Variants in EIPR1 observed in about 807,000 individuals in gnomAD.
The protein encoded by EIPR1 is EARP complex and GARP complex interacting protein 1.
In EIPR1, 25 loss-of-function variants were observed where a neutral mutation model predicts 48.1. The observed-to-expected ratio is 0.52, with a 90% CI of 0.38 to 0.73. The LOEUF is 0.73. Ranked by LOEUF, EIPR1 falls within the 30% of genes least tolerant of loss-of-function variation. The probability of loss-of-function intolerance (pLI) is 0.00; values close to 1 mark genes in which losing one functional copy is unlikely to be tolerated. For missense variants in EIPR1, 415 were observed against 506.2 expected (o/e 0.82, Z 1.73); for synonymous variants, 204 against 201.9 (o/e 1.01, Z -0.09).
intron 1 of EIPR1, among the ~76,000 whole-genome samples, chr2:3,374,765 C>G (rs1659817444): frequency 2.8e-5 from 4 of 144,172 alleles, no homozygotes; most frequent in East Asian, 2.0e-4. Context: ...AATAGGAACA[C>G]TTTTACACTG....
In EIPR1 at chr2:3,305,027, C is replaced by CAT. The variant is rs1326262990; in HGVS notation, c.259+32989_259+32990insAT. 1.1e-3 allele frequency among the ~76,000 whole-genome samples: 127 copies of CAT among 118,052 alleles called. 1 individual carries two copies. The highest frequency in any genetic ancestry group is 3.9e-3 in the African/African-American group (118 of 29,936). The allele number at this position is 118,052 out of a possible 152,430, so 77.4% of individuals were successfully genotyped here. A position where few individuals can be genotyped will look rare whatever the true frequency, so the allele number is the denominator to read the frequency against. On this transcript the variant is annotated intron_variant, in intron 3 of 8. Transcript: ENST00000382125. ...GTCCAGTTCAACCCTCCACTCCTGT[C>CAT]CAGTTCAACCCTCCACTCCCGTCCA...
At chr2:3,256,419 C>T (rs1198295888) in intron 4 of EIPR1, among the ~76,000 whole-genome samples, 2 of 152,192 alleles carry the variant, frequency 1.3e-5, no homozygotes, top group Admixed American at 6.5e-5. Flanking sequence ...GAGATCATGA[C>T]TCTCGGAGGC....
chr2:3,229,776 C>T (rs564049671), intron 4 of EIPR1, among the ~76,000 whole-genome samples: 144 of 152,334 alleles, frequency 9.5e-4, no homozygotes, highest in Non-Finnish European at 1.3e-3. Context: ...CTGTTCATTA[C>T]TTTCAGCACA....
intron 3 of EIPR1, among the ~76,000 whole-genome samples, chr2:3,290,350 G>A (rs1232672776): frequency 6.6e-6 from 1 of 152,148 alleles, no homozygotes; most frequent in African/African-American, 2.4e-5. Flanking sequence ...AAATACAAAA[G>A]AATACAAAAG....
At chr2:3,350,651 G>A (rs183542688) in intron 2 of EIPR1, among the ~76,000 whole-genome samples, 1 of 152,272 alleles carries the variant, frequency 6.6e-6, no homozygotes, top group African/African-American at 2.4e-5. Flanking sequence ...AGCATTTGTT[G>A]AGTGGATGAA....
intron 2 of EIPR1, among the ~76,000 whole-genome samples, chr2:3,342,384 T>C (rs1230099614): frequency 1.3e-5 from 2 of 152,238 alleles, no homozygotes; most frequent in African/African-American, 2.4e-5. Flanking sequence ...TTCCTACTTA[T>C]CAGGAAATCC....
chr2:3,243,092 T>C (rs1424649186), intron 4 of EIPR1, among the ~76,000 whole-genome samples: 1 of 152,214 alleles, frequency 6.6e-6, no homozygotes, highest in Non-Finnish European at 1.5e-5. Context: ...AACTCAGTTA[T>C]TAAAAGTCTG....
intron 4 of EIPR1, among the ~76,000 whole-genome samples, chr2:3,217,126 G>A (rs934671796): frequency 6.6e-6 from 1 of 152,178 alleles, no homozygotes; most frequent in Non-Finnish European, 1.5e-5. Flanking sequence ...AAATGCAGGT[G>A]ATTCAGCAAG....
chr2:3,288,035 G>A (rs797018486), intron 3 of EIPR1, among the ~76,000 whole-genome samples: 33 of 152,310 alleles, frequency 2.2e-4, no homozygotes, highest in African/African-American at 6.0e-4. Flanking sequence ...TCTCCTCCCC[G>A]TGGCCCGAGT....
intron 3 of EIPR1, among the ~76,000 whole-genome samples, chr2:3,263,937 A>T (rs1419122399): frequency 6.6e-6 from 1 of 152,242 alleles, no homozygotes; most frequent in Admixed American, 6.5e-5. Flanking sequence ...TCATATTTGC[A>T]TTACCTTACA....
At chr2:3,365,176 G>A (rs548506090) in intron 1 of EIPR1, among the ~76,000 whole-genome samples, 13 of 151,134 alleles carry the variant, frequency 8.6e-5, no homozygotes, top group Admixed American at 7.9e-4. Flanking sequence ...GGTGGCTCAA[G>A]ACTATAATTC....
At chr2:3,236,434 G>T (rs990798034) in intron 4 of EIPR1, among the ~76,000 whole-genome samples, 9 of 152,212 alleles carry the variant, frequency 5.9e-5, no homozygotes, top group African/African-American at 2.2e-4. Context: ...CAGCCCAGGT[G>T]ATGACTTCAC....
At chr2:3,329,314 C>T (rs1233615267) in intron 3 of EIPR1, among the ~76,000 whole-genome samples, 1 of 152,002 alleles carries the variant, frequency 6.6e-6, no homozygotes, top group African/African-American at 2.4e-5. Flanking sequence ...GCTGGGCTCC[C>T]CTGAATCAGA....
At chr2:3,210,354 T>G (rs917611743) in intron 5 of EIPR1, among the ~76,000 whole-genome samples, 1 of 152,110 alleles carries the variant, frequency 6.6e-6, no homozygotes, top group Non-Finnish European at 1.5e-5. Context: ...CACCCACATC[T>G]GTTTTTCCAG....
Position 3,354,418 on chromosome 2 carries a change from T to A in EIPR1, c.126+132A>T, listed in dbSNP as rs1042977860. On this transcript the variant is annotated intron_variant, in intron 2 of 8. Transcript: ENST00000382125. ...TCTTTGATTTGAAGATAGACTTAAA[T>A]CCAAATGAAAGTTTTATTTTGTTTA... 1.5e-5 allele frequency: 11 copies of A among 756,816 alleles called. No individual in the cohort carries two copies. In the African/African-American group the frequency reaches 1.8e-4, roughly 12 times the overall value. 46.9% of individuals were successfully genotyped at this position (756,816 alleles called of 1,614,324 possible). A position where few individuals can be genotyped will look rare whatever the true frequency, so the allele number is the denominator to read the frequency against.
chr2:3,207,694 T>G (rs1665285364), intron 5 of EIPR1: 1 of 152,184 alleles, frequency 6.6e-6, no homozygotes. Flanking sequence ...ATAATTTGTT[T>G]TGTATTACCA....
intron 3 of EIPR1, among the ~76,000 whole-genome samples, chr2:3,306,011 G>C (rs924301440): frequency 6.6e-6 from 1 of 152,186 alleles, no homozygotes; most frequent in African/African-American, 2.4e-5. Flanking sequence ...GCAGTCACTT[G>C]GGTCTGAGCC....
intron 8 of EIPR1, among the ~76,000 whole-genome samples, chr2:3,191,306 G>A (rs113708868): frequency 6.2e-5 from 8 of 128,182 alleles, no homozygotes; most frequent in East Asian, 2.2e-4. Context: ...CCACTGCAGA[G>A]AGGGTCCGAA....
rs1572268694 is a variant in EIPR1 at position 3,189,875 on chromosome 2, T to C, written c.990-367A>G. 6.6e-6 allele frequency among the ~76,000 whole-genome samples: 1 copy of C among 152,210 alleles called. No individual in the cohort carries two copies. The highest frequency in any genetic ancestry group is 2.1e-4 in the South Asian group (1 of 4,820). On this transcript the variant is annotated intron_variant, in intron 8 of 8. Coordinates refer to ENST00000382125, the MANE Select transcript of EIPR1 (RefSeq NM_003310.5). The surrounding 1 kb of genome is among the most constrained non-coding windows in gnomAD (Gnocchi z 4.6). ...AGCTCAGGGGAAAGACTGGGGGAAG[T>C]AGTCACCGTGTCTGGGTAACACAGG...
Sources: gnomAD v4.1 joint callset for allele counts (sites outside exome capture counted in the v4.1 genomes callset) on GRCh38, gnomAD v4.1.1 for gene constraint, Gnocchi (gnomAD v3.1) non-coding constraint, MANE v1.5 for transcripts, NCBI Gene and HGNC (gene_info 2026-07-23, HGNC 2026-07-21) for gene names.